ELMO1: variants seen among roughly 807,000 people sequenced by gnomAD.
The protein encoded by ELMO1 is engulfment and cell motility 1, also known as engulfment and cell motility protein 1.
ELMO1 carries 26 observed loss-of-function variants against 98.9 expected under a neutral mutation model. The observed-to-expected ratio is 0.26, with a 90% CI of 0.19 to 0.36. The LOEUF (loss-of-function observed/expected upper bound fraction) is 0.36. Among genes scored for constraint, ELMO1 ranks in the 10% least tolerant of loss-of-function variants. ELMO1 has a pLI of 1.00. For synonymous variants in ELMO1, 346 were observed against 346.0 expected, an observed-to-expected ratio of 1.00 and a Z score of 0.00; for missense variants, 627 against 935.2, an observed-to-expected ratio of 0.67 and a Z score of 4.30.
intron 2 of ELMO1, among the ~76,000 whole-genome samples, chr7:37,321,433 G>A (rs371954941): frequency 6.6e-6 from 1 of 152,048 alleles, no homozygotes; most frequent in Non-Finnish European, 1.5e-5. Flanking sequence ...AAAAGCCCTA[G>A]GAGGCCGGGC....
At chr7:37,431,089 T>C (rs1804912625) in intron 1 of ELMO1, among the ~76,000 whole-genome samples, 1 of 152,184 alleles carries the variant, frequency 6.6e-6, no homozygotes, top group Non-Finnish European at 1.5e-5. Context: ...GTAATTCCAG[T>C]GCTTTGGGAG....
chr7:37,120,352 G>A (rs1285767126), intron 14 of ELMO1, among the ~76,000 whole-genome samples: 3 of 152,228 alleles, frequency 2.0e-5, no homozygotes, highest in Non-Finnish European at 4.4e-5. Flanking sequence ...CAAGCGCAAG[G>A]GGTCAGGGAA....
intron 13 of ELMO1, among the ~76,000 whole-genome samples, chr7:37,194,408 C>T (rs1011005791): frequency 2.6e-5 from 4 of 152,240 alleles, no homozygotes; most frequent in Non-Finnish European, 5.9e-5. Context: ...AAGCCCTGTG[C>T]TCCACACCTT....
chr7:36,899,871 T>C (rs1806363414), intron 16 of ELMO1, among the ~76,000 whole-genome samples: 1 of 151,998 alleles, frequency 6.6e-6, no homozygotes, highest in Non-Finnish European at 1.5e-5. Flanking sequence ...ATTCACAGGG[T>C]TGTAAAATCT....
intron 18 of ELMO1, 60 bp from the exon 19 acceptor site, chr7:36,878,177 T>C: frequency 1.6e-6 from 2 of 1,286,012 alleles, no homozygotes; most frequent in South Asian, 2.4e-5. Flanking sequence ...AATACTAGCC[T>C]GGTTATTTCT....
chr7:36,863,286 T>C (rs758384754), intron 20 of ELMO1, among the ~76,000 whole-genome samples: 1 of 152,130 alleles, frequency 6.6e-6, no homozygotes, highest in Non-Finnish European at 1.5e-5. Flanking sequence ...AAGACAATAA[T>C]GTAAAAAGGA....
intron 18 of ELMO1, among the ~76,000 whole-genome samples, chr7:36,886,499 G>A (rs1371710335): frequency 6.6e-6 from 1 of 152,192 alleles, no homozygotes. Flanking sequence ...AGGGCATCCA[G>A]CAGGTTTCAA....
chr7:36,857,780 T>C (rs963743010), intron 21 of ELMO1, among the ~76,000 whole-genome samples: 1 of 152,070 alleles, frequency 6.6e-6, no homozygotes, highest in African/African-American at 2.4e-5. Flanking sequence ...GCAATGACCA[T>C]AAACACAACT....
chr7:37,396,096 C>G (rs995468546), intron 1 of ELMO1, among the ~76,000 whole-genome samples: 1 of 151,980 alleles, frequency 6.6e-6, no homozygotes, highest in African/African-American at 2.4e-5. Flanking sequence ...GTGTAATCAA[C>G]AGTGGACCTT....
intron 15 of ELMO1, among the ~76,000 whole-genome samples, chr7:37,044,299 GAA>G (rs1795685845): frequency 6.6e-6 from 1 of 152,148 alleles, no homozygotes; most frequent in African/African-American, 2.4e-5. Flanking sequence ...CAACCCACAT[GAA>G]AGTCATCTGT....
In ELMO1 at chr7:36,969,040, A is replaced by T. The variant is rs184409603; in HGVS notation, c.1437+44259T>A. On this transcript the variant is annotated intron_variant, in intron 16 of 21. Transcript: ENST00000310758. ...AAAAGCCTTTGAGAATTTATTGAGG[A>T]TCTTTAGCCATGTAAGTGATGCATT... Among the ~76,000 whole-genome samples the T allele has an allele frequency of 4.0e-3, 609 of 152,186 alleles. 4 individuals are homozygous for T. Among genetic ancestry groups the T allele is most frequent in the African/African-American group, 0.014 (570 of 41,536 alleles).
At chr7:36,927,133 T>G (rs919645454) in intron 16 of ELMO1, among the ~76,000 whole-genome samples, 1 of 152,204 alleles carries the variant, frequency 6.6e-6, no homozygotes, top group Non-Finnish European at 1.5e-5. Context: ...TCAACAACCC[T>G]AGGAGTAGAT....
At chr7:37,127,160 T>C (rs944148850) in intron 14 of ELMO1, among the ~76,000 whole-genome samples, 2 of 152,208 alleles carry the variant, frequency 1.3e-5, no homozygotes, top group Non-Finnish European at 2.9e-5. Flanking sequence ...AGACTATCTC[T>C]GACACATGAA....
chr7:36,968,714 G>A (rs1380808446), intron 16 of ELMO1, among the ~76,000 whole-genome samples: 2 of 151,810 alleles, frequency 1.3e-5, no homozygotes, highest in Admixed American at 6.5e-5. Flanking sequence ...ATAGTTCTTA[G>A]ATTCATTTAT....
chr7:36,855,687 C>A lies in ELMO1; in HGVS notation c.2048G>T (p.Arg683Leu). The change falls in exon 22 of 22, where the codon CGG becomes CTG. Residue 683 changes from arginine to leucine, a missense_variant. Arg to Leu is a moderately radical substitution (Grantham distance 102). Coordinates refer to ENST00000310758, the MANE Select transcript of ELMO1 (RefSeq NM_014800.11). The surrounding 1 kb of genome is among the most constrained non-coding windows in gnomAD (Gnocchi z 4.2). ...GCTGAGCAGGGTGTCCAGGTCATTCCGCGTCAGGTCGCTCATCATGTCCTT... is the reference window on the plus strand; with the variant it reads ...GCTGAGCAGGGTGTCCAGGTCATTCAGCGTCAGGTCGCTCATCATGTCCTT... ...LGKDMMSDLT[R>L]NDLDTLLSME... 6.2e-7 allele frequency: 1 copy of A among 1,614,082 alleles called. No homozygotes were observed. The highest frequency in any genetic ancestry group is 8.5e-7 in the Non-Finnish European group (1 of 1,180,004).
At chr7:37,149,106 AGCTG>A (rs1788193638) in intron 13 of ELMO1, among the ~76,000 whole-genome samples, 1 of 152,302 alleles carries the variant, frequency 6.6e-6, no homozygotes, top group East Asian at 1.9e-4. Context: ...TGAAGTGAGG[AGCTG>A]ATCAAGCTGC....
chr7:37,269,073 C>T (rs1338472683), intron 5 of ELMO1, among the ~76,000 whole-genome samples: 1 of 152,196 alleles, frequency 6.6e-6, no homozygotes, highest in South Asian at 2.1e-4. Flanking sequence ...TTATGGTACT[C>T]TAATAGGTGT....
At chr7:37,288,894 T>C (rs1343365343) in intron 4 of ELMO1, among the ~76,000 whole-genome samples, 1 of 152,206 alleles carries the variant, frequency 6.6e-6, no homozygotes, top group African/African-American at 2.4e-5. Flanking sequence ...GCCAAGCACT[T>C]AGCAGGGTAA....
At chr7:37,271,999 A>G in intron 4 of ELMO1, 117 bp from the exon 5 acceptor site, 1 of 820,730 alleles carries the variant, frequency 1.2e-6, no homozygotes, top group South Asian at 1.7e-5. Context: ...TCACTTGAAT[A>G]ATTTTTAATT....
Sources: gnomAD v4.1 joint callset for allele counts (sites outside exome capture counted in the v4.1 genomes callset) on GRCh38, gnomAD v4.1.1 for gene constraint, Gnocchi (gnomAD v3.1) non-coding constraint, MANE v1.5 for transcripts, NCBI Gene and HGNC (gene_info 2026-07-23, HGNC 2026-07-21) for gene names.